Variants in DYNC2H1 observed in about 807,000 individuals in gnomAD.
DYNC2H1 encodes dynein cytoplasmic 2 heavy chain 1, also known as cytoplasmic dynein 2 heavy chain 1.
DYNC2H1 carries 410 observed loss-of-function variants against 570.0 expected under a neutral mutation model. The ratio of observed to expected loss-of-function variants is 0.72; its 90% CI spans 0.66 to 0.78. The LOEUF is 0.78. Among genes scored for constraint, DYNC2H1 ranks in the 30% least tolerant of loss-of-function variants. DYNC2H1 has a pLI of 0.00. For missense variants in DYNC2H1, 4,865 were observed against 5,046.4 expected (o/e 0.96, Z 1.09); for synonymous variants, 1,688 against 1,677.6 (o/e 1.01, Z -0.15).
chr11:103,177,297 A>T lies in DYNC2H1; in HGVS notation c.5875-259A>T, dbSNP rs1480221708. On this transcript the variant is annotated intron_variant, in intron 37 of 88. Transcript: ENST00000375735. This position sits in a 1 kb window ranked among gnomAD's most constrained non-coding sequence, Gnocchi z 4.4. ...AATGAGTGGAGCAAGTAACGAACAT[A>T]ATTGTTCATACAAGTTTTTTGAACT... Among the ~76,000 whole-genome samples the T allele has an allele frequency of 6.6e-6, 1 of 152,122 alleles. No homozygotes were observed. Among genetic ancestry groups the T allele is most frequent in the African/African-American group, 2.4e-5 (1 of 41,438 alleles).
At chr11:103,213,217 G>C (rs971301105) in intron 54 of DYNC2H1, among the ~76,000 whole-genome samples, 5 of 152,060 alleles carry the variant, frequency 3.3e-5, no homozygotes, top group African/African-American at 9.7e-5. Context: ...ATGTGAGAAA[G>C]TCTCTTACAA....
chr11:103,223,753 T>A (rs1384030016), intron 59 of DYNC2H1, among the ~76,000 whole-genome samples: 2 of 9,784 alleles, frequency 2.0e-4, no homozygotes, highest in Non-Finnish European at 3.9e-4. Context: ...ATTTATTGAT[T>A]TTTTTTTTTT....
chr11:103,230,305 C>G (rs541532358), intron 59 of DYNC2H1, among the ~76,000 whole-genome samples: 31 of 152,244 alleles, frequency 2.0e-4, no homozygotes, highest in Non-Finnish European at 3.7e-4. Flanking sequence ...AGTGTGTGGC[C>G]TGGGCTCCTT....
At chr11:103,386,505 T>G (rs1423775184) in intron 83 of DYNC2H1, among the ~76,000 whole-genome samples, 1 of 151,984 alleles carries the variant, frequency 6.6e-6, no homozygotes, top group Non-Finnish European at 1.5e-5. Context: ...TTTCTTTTTT[T>G]TATTATTATT....
intron 34 of DYNC2H1, among the ~76,000 whole-genome samples, chr11:103,171,740 G>A (rs1410271640): frequency 1.3e-5 from 2 of 152,088 alleles, no homozygotes; most frequent in Admixed American, 1.3e-4. Flanking sequence ...CTTTGTGGCT[G>A]AAGAAACTAG....
intron 70 of DYNC2H1, among the ~76,000 whole-genome samples, chr11:103,279,782 C>T (rs1866059944): frequency 6.6e-6 from 1 of 152,134 alleles, no homozygotes; most frequent in African/African-American, 2.4e-5. Context: ...CAATTAGTTA[C>T]TCATGTTTTA....
intron 60 of DYNC2H1, 101 bp downstream of exon 60, chr11:103,231,447 T>C (rs1864007314): frequency 1.5e-6 from 1 of 660,552 alleles, no homozygotes; most frequent in Non-Finnish European, 2.5e-6. Context: ...TAGACTCTTA[T>C]GTCAGATGAT....
At chr11:103,310,706 T>C (rs1252722609) in intron 78 of DYNC2H1, among the ~76,000 whole-genome samples, 1 of 110,542 alleles carries the variant, frequency 9.0e-6, no homozygotes, top group Non-Finnish European at 1.9e-5. Flanking sequence ...TTTGGGAGAC[T>C]GAGTCTTGCT....
chr11:103,285,044 T>G (rs1866291317), intron 73 of DYNC2H1, among the ~76,000 whole-genome samples: 1 of 152,158 alleles, frequency 6.6e-6, no homozygotes, highest in Admixed American at 6.5e-5. Flanking sequence ...TAGAGACAAA[T>G]AGAGGCATTT....
intron 70 of DYNC2H1, among the ~76,000 whole-genome samples, chr11:103,272,595 A>G (rs1242415910): frequency 6.6e-6 from 1 of 152,196 alleles, no homozygotes; most frequent in South Asian, 2.1e-4. Flanking sequence ...TAAATAAATA[A>G]AAAAGAAATT....
intron 85 of DYNC2H1, among the ~76,000 whole-genome samples, chr11:103,452,372 C>T (rs1161246423): frequency 6.6e-6 from 1 of 151,608 alleles, no homozygotes; most frequent in African/African-American, 2.4e-5. Flanking sequence ...GCTTTTGGCC[C>T]TTTGGGATTT....
chr11:103,122,467 A>C (rs1858770197), intron 10 of DYNC2H1, among the ~76,000 whole-genome samples: 1 of 152,232 alleles, frequency 6.6e-6, no homozygotes, highest in Admixed American at 6.5e-5. Context: ...CATGTTGCTA[A>C]GGGCCGAAAT....
chr11:103,256,680 CTTT>C lies in DYNC2H1; in HGVS notation c.10461+441_10461+443del, dbSNP rs1865069725. Reference sequence around the variant, plus strand: ...TGCTTATAATGAACAGTGCTGGGTACTTTATTATCCTAATGTGGACACCTGTTA... The same window carrying C: ...TGCTTATAATGAACAGTGCTGGGTACATTATCCTAATGTGGACACCTGTTA... On this transcript the variant is annotated intron_variant, in intron 68 of 88. Transcript: ENST00000375735. This position sits in a 1 kb window ranked among gnomAD's most constrained non-coding sequence, Gnocchi z 4.0. Among the ~76,000 whole-genome samples the C allele has an allele frequency of 1.3e-5, 2 of 152,072 alleles. No homozygotes were observed. The highest frequency in any genetic ancestry group is 4.1e-4 in the South Asian group (2 of 4,824).
At chr11:103,291,154 G>A (rs1866579781) in intron 75 of DYNC2H1, among the ~76,000 whole-genome samples, 5 of 152,128 alleles carry the variant, frequency 3.3e-5, no homozygotes. Flanking sequence ...TTTGTAAAGT[G>A]CAGCTGGGCG....
chr11:103,211,562 A>G (rs1184893651), intron 53 of DYNC2H1, among the ~76,000 whole-genome samples: 2 of 152,122 alleles, frequency 1.3e-5, no homozygotes, highest in African/African-American at 4.8e-5. Context: ...ATATAACAAT[A>G]TATAGATGCT....
Position 103,204,897 on chromosome 11 carries a change from A to G in DYNC2H1, c.8387A>G (p.Asn2796Ser). ...AACTTCATGATAAACTGTGAGAGTA[A>G]TCCAGCTTTGCATAAGAAATGCCAG... ...NSNFMINCES[N>S]PALHKKCQVL... Residue 2796 changes from asparagine (N) to serine (S), a missense_variant, in exon 52 of 89, where the codon AAT becomes AGT. By Grantham distance (46) the Asn-to-Ser change is conservative (BLOSUM62 1). Around this residue, in one of 5 missense-constraint regions of DYNC2H1, gnomAD observed 2,401 missense variants for 2,454.6 expected, o/e 0.98. Coordinates refer to ENST00000375735, the MANE Select transcript of DYNC2H1 (RefSeq NM_001377.3). The surrounding 1 kb of genome is among the most constrained non-coding windows in gnomAD (Gnocchi z 4.1). 6.3e-7 allele frequency: 1 copy of G among 1,594,230 alleles called. No individual in the cohort carries two copies. The highest frequency in any genetic ancestry group is 8.6e-7 in the Non-Finnish European group (1 of 1,169,098).
Position 103,456,369 on chromosome 11 carries a change from T to C in DYNC2H1, c.12648+13T>C, listed in dbSNP as rs1418879159. On this transcript the variant is annotated intron_variant, in intron 87 of 88. Transcript: ENST00000375735. ...GCTACAAATTAAGGTACTAGACTAA[T>C]TTTAGATCTTGGAATCTCAGCCTTA... 1.9e-6 allele frequency: 3 copies of C among 1,575,722 alleles called. No individual in the cohort carries two copies. The highest frequency in any genetic ancestry group is 2.3e-5 in the South Asian group (2 of 85,768).
chr11:103,316,255 A>G (rs1259450536), intron 79 of DYNC2H1, among the ~76,000 whole-genome samples: 1 of 152,018 alleles, frequency 6.6e-6, no homozygotes, highest in Non-Finnish European at 1.5e-5. Flanking sequence ...ATGTATATAT[A>G]GCAATTAGAA....
At chr11:103,282,294 G>A in intron 72 of DYNC2H1, 65 bp downstream of exon 72, 1 of 1,469,380 alleles carries the variant, frequency 6.8e-7, no homozygotes, top group Non-Finnish European at 9.4e-7. Context: ...TTGTTCATGA[G>A]GTATAATTTG....
Sources: gnomAD v4.1 joint callset for allele counts (sites outside exome capture counted in the v4.1 genomes callset) on GRCh38, gnomAD v4.1.1 for gene constraint, gnomAD v4.1.1 regional missense constraint, Gnocchi (gnomAD v3.1) non-coding constraint, MANE v1.5 for transcripts, NCBI Gene and HGNC (gene_info 2026-07-23, HGNC 2026-07-21) for gene names.